Variants in STK32A observed in about 807,000 individuals in gnomAD.
STK32A encodes serine/threonine kinase 32A.
In STK32A, 41 loss-of-function variants were observed where a neutral mutation model predicts 53.2. The observed-to-expected ratio is 0.77, with a 90% confidence interval of 0.60 to 1.00. The LOEUF is 1.00. Ranked by LOEUF, STK32A falls within the 50% of genes least tolerant of loss-of-function variation. The pLI is 0.00. For synonymous variants in STK32A, 166 were observed against 162.8 expected, an observed-to-expected ratio of 1.02 and a Z score of -0.15; for missense variants, 458 against 485.8, an observed-to-expected ratio of 0.94 and a Z score of 0.54.
chr5:147,243,749 G>T (rs139080593), intron 2 of STK32A, among the ~76,000 whole-genome samples: 1 of 111,058 alleles, frequency 9.0e-6, no homozygotes, highest in Admixed American at 9.2e-5. Context: ...AAAAAAAAAC[G>T]GCTTGCTTAT....
intron 2 of STK32A, among the ~76,000 whole-genome samples, chr5:147,269,897 T>A (rs1054428443): frequency 1.3e-5 from 2 of 152,222 alleles, no homozygotes; most frequent in Non-Finnish European, 2.9e-5. Context: ...TACAGGGAGA[T>A]AATCAGTTGT....
downstream of STK32A, among the ~76,000 whole-genome samples, chr5:147,389,985 T>C (rs576714428): frequency 6.6e-6 from 1 of 152,338 alleles, no homozygotes; most frequent in East Asian, 1.9e-4. Context: ...TAGATCCAAC[T>C]ACACTTGAGT....
At chr5:147,302,794 T>A (rs1296051448) in intron 4 of STK32A, among the ~76,000 whole-genome samples, 1 of 152,180 alleles carries the variant, frequency 6.6e-6, no homozygotes, top group Non-Finnish European at 1.5e-5. Flanking sequence ...CTTGTCAAAA[T>A]CAATTTAGAA....
chr5:147,265,288 T>G (rs1170913805), intron 2 of STK32A, among the ~76,000 whole-genome samples: 1 of 151,950 alleles, frequency 6.6e-6, no homozygotes, highest in African/African-American at 2.4e-5. Context: ...ATTTTTATCT[T>G]TCATCAAAGC....
intron 4 of STK32A, among the ~76,000 whole-genome samples, chr5:147,296,352 C>G (rs532519487): frequency 6.6e-6 from 1 of 151,012 alleles, no homozygotes; most frequent in African/African-American, 2.4e-5. Context: ...CACGGTTTGA[C>G]CTTTGACTTG....
the STK32A span, chr5:147,397,747 G>A: frequency 8.7e-6 from 14 of 1,614,168 alleles, 2 homozygotes; most frequent in Middle Eastern, 3.3e-4. Flanking sequence ...CCTGGGTCAC[G>A]TGCAGGTTGC....
intron 6 of STK32A, chr5:147,343,327 C>T (rs6884181): frequency 0.23 from 136,607 of 593,628 alleles, 20,578 homozygotes; most frequent in African/African-American, 0.6. Context: ...CACAACTTTT[C>T]AGTGTTAGCT....
At chr5:147,394,242 C>T in the STK32A span, 10,785 of 968,508 alleles carry the variant, frequency 0.011, 738 homozygotes, top group East Asian at 0.17. Context: ...GCCTTGCTGG[C>T]CTCACCTCCC....
the STK32A span, chr5:147,395,599 T>A: frequency 1.2e-6 from 2 of 1,613,928 alleles, no homozygotes; most frequent in Non-Finnish European, 1.7e-6. Flanking sequence ...TCCTCACAGG[T>A]GGGTTCGGCC....
chr5:147,296,959 C>T (rs761810390), intron 4 of STK32A, among the ~76,000 whole-genome samples: 2 of 152,122 alleles, frequency 1.3e-5, no homozygotes, highest in Non-Finnish European at 1.5e-5. Flanking sequence ...TGCCTGGACT[C>T]GGCATGGACA....
intron 4 of STK32A, 93 bp from the exon 5 acceptor site, chr5:147,323,805 C>A: frequency 9.0e-7 from 1 of 1,105,822 alleles, no homozygotes; most frequent in Non-Finnish European, 1.3e-6. Context: ...AGCTCAAGAA[C>A]ACTCTGCTCT....
Position 147,354,004 on chromosome 5 carries a change from T to TAG in STK32A, c.562+2869_562+2870dup, listed in dbSNP as rs10668611. Among the ~76,000 whole-genome samples, 459 of 148,058 alleles carry TAG rather than the reference T, an allele frequency of 3.1e-3. 5 individuals carry two copies. Among genetic ancestry groups the TAG allele is most frequent in the South Asian group, 5.8e-3 (27 of 4,634 alleles). On this transcript the variant is annotated intron_variant, in intron 7 of 12. Transcript: ENST00000397936. ...ATTTCATTCTCTTCCCCCATGTAAC[T>TAG]AGAGAGAGAGAGAGAGAGAGGAAAA...
chr5:147,333,357 C>G lies in STK32A; in HGVS notation c.434+9286C>G, dbSNP rs146800352. On this transcript the variant is annotated intron_variant, in intron 5 of 12. Coordinates refer to ENST00000397936, the MANE Select transcript of STK32A (RefSeq NM_001112724.2). ...ATATATAATGCATATAGTTTTATAT[C>G]CTTTTAAGACAAAATATGAAGATAT... Among the ~76,000 whole-genome samples, 366 of 152,264 alleles carry G rather than the reference C, an allele frequency of 2.4e-3. 3 individuals carry two copies. Among genetic ancestry groups the G allele is most frequent in the East Asian group, 4.4e-3 (23 of 5,180 alleles).
At chr5:147,400,277 G>A in the STK32A span, among the ~76,000 whole-genome samples, 83 of 152,234 alleles carry the variant, frequency 5.5e-4, no homozygotes, top group South Asian at 1.5e-3. Flanking sequence ...AGTACAGGGC[G>A]TCCTTGATAA....
chr5:147,262,954 C>A (rs6870527), intron 2 of STK32A, among the ~76,000 whole-genome samples: 45,116 of 152,012 alleles, frequency 0.3, 7,080 homozygotes, highest in African/African-American at 0.36. Context: ...GTTTGGATAT[C>A]TATTTAAAAA....
chr5:147,340,811 C>G (rs1581115232), intron 5 of STK32A, among the ~76,000 whole-genome samples: 1 of 152,194 alleles, frequency 6.6e-6, no homozygotes, highest in Non-Finnish European at 1.5e-5. Flanking sequence ...CTCATCCTCT[C>G]CATCCCGAGG....
chr5:147,237,031 G>A (rs755721196), intron 1 of STK32A, among the ~76,000 whole-genome samples: 5 of 152,026 alleles, frequency 3.3e-5, no homozygotes, highest in African/African-American at 4.8e-5. Flanking sequence ...ATGTTCTCCC[G>A]GCCAGGCACG....
chr5:147,262,266 T>G (rs1241857682), intron 2 of STK32A, among the ~76,000 whole-genome samples: 3 of 152,174 alleles, frequency 2.0e-5, no homozygotes, highest in Non-Finnish European at 4.4e-5. Context: ...TCATATTTAC[T>G]CATCCTCTTA....
intron 5 of STK32A, among the ~76,000 whole-genome samples, chr5:147,340,206 A>C (rs1035368726): frequency 1.3e-5 from 2 of 152,156 alleles, no homozygotes; most frequent in Admixed American, 6.5e-5. Context: ...TATTTCTATC[A>C]GTGGGGTCTT....
Sources: allele counts gnomAD v4.1 joint callset (sites outside exome capture counted in the v4.1 genomes callset), GRCh38; gene constraint gnomAD v4.1.1; transcripts MANE v1.5; gene names NCBI Gene and HGNC (gene_info 2026-07-23, HGNC 2026-07-21).